Variants in DNM1 observed in about 807,000 individuals in gnomAD.
DNM1 encodes dynamin-1.
Under a neutral mutation model 104.6 loss-of-function variants are expected in DNM1, and 29 were observed. The ratio of observed to expected loss-of-function variants is 0.28; its 90% CI spans 0.21 to 0.38. DNM1 has a LOEUF of 0.38. Ranked by LOEUF, DNM1 falls within the 10% of genes least tolerant of loss-of-function variation. The probability of loss-of-function intolerance (pLI) is 1.00; values close to 1 mark genes in which losing one functional copy is unlikely to be tolerated. For missense variants in DNM1, 640 were observed against 1,189.4 expected, an observed-to-expected ratio of 0.54 and a Z score of 6.79; for synonymous variants, 445 against 475.8, an observed-to-expected ratio of 0.94 and a Z score of 0.84.
rs1834954010 is a variant in DNM1, at chr9:128,220,922, TTTC to T, written c.849+584_849+586del. Among the ~76,000 whole-genome samples the T allele has an allele frequency of 6.9e-6, 1 of 145,678 alleles. No homozygotes were observed. Among genetic ancestry groups the T allele is most frequent in the South Asian group, 2.2e-4 (1 of 4,620 alleles). On this transcript the variant is annotated intron_variant, in intron 6 of 21. Transcript: ENST00000372923. This position sits in a 1 kb window ranked among gnomAD's most constrained non-coding sequence, Gnocchi z 5.2. ...CTTTCTTTCTTTCTTTCTTTCTTTC[TTTC>T]TTTCTTTCTTTTCTTTTCTTTCTTT...
intron 15 of DNM1, chr9:128,244,961 T>C: frequency 3.4e-6 from 1 of 292,868 alleles, no homozygotes; most frequent in Non-Finnish European, 7.4e-6. Context: ...CCCTCTCTGC[T>C]CCCAACTCCC....
chr9:128,248,533 G>T lies in DNM1; in HGVS notation c.1906-50G>T. 3 of 1,593,976 alleles carry T rather than the reference G, an allele frequency of 1.9e-6. No homozygotes were observed. The highest frequency in any genetic ancestry group is 2.6e-6 in the Non-Finnish European group (3 of 1,165,736). On this transcript the variant is annotated intron_variant, in intron 18 of 21. Transcript: ENST00000372923. The surrounding 1 kb of genome is among the most constrained non-coding windows in gnomAD (Gnocchi z 5.6). The stretch of plus-strand genomic sequence containing the variant: ...GGCTGAGATCCTGGGGATGCCTGGA[G>T]CCTGGCTGCATGGCCTGGCCACCTG...
At position 128,219,238 on chromosome 9, in the gene DNM1, A is replaced by G. The variant is rs1834793492; in HGVS notation, c.575A>G (p.Glu192Gly). ...TCTGACGCCCTCAAGGTCGCCAAGGAGGTGGACCCCCAGGGTAGGTTCCCA... is the reference window on the plus strand; with the variant it reads ...TCTGACGCCCTCAAGGTCGCCAAGGGGGTGGACCCCCAGGGTAGGTTCCCA... ...ANSDALKVAK[E>G]VDPQGQRTIG... The change falls in exon 4 of 22, where the codon GAG (glutamate) becomes GGG (glycine). Residue 192 changes from glutamate to glycine, a missense_variant. Coordinates refer to ENST00000372923, the MANE Select transcript of DNM1 (RefSeq NM_004408.4). 1 of 1,614,014 alleles carries G rather than the reference A, an allele frequency of 6.2e-7. No homozygotes were observed. Among genetic ancestry groups the G allele is most frequent in the Non-Finnish European group, 8.5e-7 (1 of 1,180,050 alleles).
intron 1 of DNM1, among the ~76,000 whole-genome samples, chr9:128,211,690 C>T (rs1428871741): frequency 1.3e-5 from 2 of 151,994 alleles, no homozygotes; most frequent in African/African-American, 2.4e-5. Context: ...TTCACCCTGC[C>T]GTTGTCTTCC....
chr9:128,226,032 C>T, intron 10 of DNM1: 1 of 1,612,450 alleles, frequency 6.2e-7, no homozygotes, highest in Non-Finnish European at 8.5e-7. Context: ...TCCCCGGGTG[C>T]AGGACGGGCC....
At chr9:128,246,285 AG>A in intron 15 of DNM1, 108 bp from the exon 16 acceptor site, 1 of 778,958 alleles carries the variant, frequency 1.3e-6, no homozygotes, top group South Asian at 1.5e-5. Context: ...TCGCAGTGGG[AG>A]GGGGCTGATG....
Position 128,239,788 on chromosome 9 carries a change from G to A in DNM1, c.1545+9G>A. Reference sequence around the variant, plus strand: ...AGACTTCAGGGAACCAGGTGAGTGGGGCCCAGCACCCCAGCCCGAGGGATG... The same window carrying A: ...AGACTTCAGGGAACCAGGTGAGTGGAGCCCAGCACCCCAGCCCGAGGGATG... On this transcript the variant is annotated intron_variant, in intron 13 of 21. Transcript: ENST00000372923. 5 of 1,613,086 alleles carry A rather than the reference G, an allele frequency of 3.1e-6. No individual in the cohort carries two copies. The highest frequency in any genetic ancestry group is 4.2e-6 in the Non-Finnish European group (5 of 1,179,330).
intron 16 of DNM1, 73 bp downstream of exon 16, chr9:128,246,576 G>C (rs1052253922): frequency 1.1e-4 from 124 of 1,155,764 alleles, no homozygotes; most frequent in Non-Finnish European, 1.4e-4. Flanking sequence ...TGGGTACAGG[G>C]ATCCAGGGAG....
Position 128,203,584 on chromosome 9 carries a change from C to T in DNM1, c.114C>T (p.Gly38=), listed in dbSNP as rs1326366504. 3 of 1,551,448 alleles carry T rather than the reference C, an allele frequency of 1.9e-6. No homozygotes were observed. Among genetic ancestry groups the T allele is most frequent in the Non-Finnish European group, 2.6e-6 (3 of 1,152,874 alleles). Reference sequence around the variant, plus strand: ...ACCTGCCGCAGATCGCTGTGGTGGGCGGCCAGAGCGCCGGCAAGAGCTCGG... The same window carrying T: ...ACCTGCCGCAGATCGCTGTGGTGGGTGGCCAGAGCGCCGGCAAGAGCTCGG... The part of the protein sequence containing the change: ...DLDLPQIAVV[G]GQSAGKSSVL... The change falls in exon 1 of 22, where the codon GGC becomes GGT. Residue 38 remains glycine, a synonymous_variant. Coordinates refer to ENST00000372923, the MANE Select transcript of DNM1 (RefSeq NM_004408.4). This position sits in a 1 kb window ranked among gnomAD's most constrained non-coding sequence, Gnocchi z 5.3.
Position 128,245,832 on chromosome 9 carries a change from A to G in DNM1, c.1672-562A>G, listed in dbSNP as rs1836767240. Among the ~76,000 whole-genome samples the G allele has an allele frequency of 6.6e-6, 1 of 152,242 alleles. No individual in the cohort carries two copies. Among genetic ancestry groups the G allele is most frequent in the African/African-American group, 2.4e-5 (1 of 41,460 alleles). On this transcript the variant is annotated intron_variant, in intron 15 of 21. Transcript: ENST00000372923. This position sits in a 1 kb window ranked among gnomAD's most constrained non-coding sequence, Gnocchi z 5.2. ...TGTGCACACACACACAATAGCTGAT[A>G]GGATATGTACTTGGGCTTGCATGTG...
chr9:128,249,063 T>A (rs1829342639), intron 19 of DNM1, among the ~76,000 whole-genome samples: 1 of 151,470 alleles, frequency 6.6e-6, no homozygotes, highest in Non-Finnish European at 1.5e-5. Context: ...TGTGGTAGCG[T>A]GAGCCTGTAA....
At position 128,234,041 on chromosome 9, in the gene DNM1, A is replaced by G. The variant is rs756954152; in HGVS notation, c.1356A>G (p.Leu452=). 28 of 1,574,746 alleles carry G rather than the reference A, an allele frequency of 1.8e-5. No individual in the cohort carries two copies. The highest frequency in any genetic ancestry group is 2.4e-5 in the Non-Finnish European group (28 of 1,160,968). ...CCCAGCTCCAGCAGTACCCGCGGCT[A>G]CGGGAGGAGATGGAGCGCATCGTGA... ...CTKKLQQYPR[L]REEMERIVTT... The change falls in exon 11 of 22, where the codon CTA becomes CTG. Residue 452 remains leucine, a synonymous_variant. Coordinates refer to ENST00000372923, the MANE Select transcript of DNM1 (RefSeq NM_004408.4).
At chr9:128,212,224 A>G (rs138623790) in intron 1 of DNM1, among the ~76,000 whole-genome samples, 756 of 152,302 alleles carry the variant, frequency 5.0e-3, no homozygotes, top group South Asian at 0.014. Context: ...CCTGTGTCCT[A>G]TTTCACTGGT....
At chr9:128,216,955 C>T (rs532465987) in intron 1 of DNM1, among the ~76,000 whole-genome samples, 3 of 152,368 alleles carry the variant, frequency 2.0e-5, no homozygotes, top group Admixed American at 6.5e-5. Flanking sequence ...GCAATTCTGA[C>T]ATCCTGATTC....
chr9:128,227,749 T>C (rs1383496704), intron 10 of DNM1, among the ~76,000 whole-genome samples: 1 of 152,234 alleles, frequency 6.6e-6, no homozygotes, highest in Non-Finnish European at 1.5e-5. Flanking sequence ...ATATGTTCAA[T>C]GTCCTCTTGA....
At chr9:128,226,315 C>T in intron 10 of DNM1, 1 of 1,339,142 alleles carries the variant, frequency 7.5e-7, no homozygotes, top group East Asian at 2.5e-5. Flanking sequence ...AGTTTCTAAC[C>T]CTGGGTACTT....
chr9:128,253,023 C>T lies in DNM1; in HGVS notation c.2535-1631C>T, dbSNP rs1588465594. 2.3e-5 allele frequency: 32 copies of T among 1,421,204 alleles called. No individual in the cohort carries two copies. In the East Asian group the frequency reaches 3.9e-4, roughly 17 times the overall value. The allele number at this position is 1,421,204 out of a possible 1,614,324, so 88.0% of individuals were successfully genotyped here. On this transcript the variant is annotated intron_variant, in intron 21 of 21. Coordinates refer to ENST00000372923, the MANE Select transcript of DNM1 (RefSeq NM_004408.4). This position sits in a 1 kb window ranked among gnomAD's most constrained non-coding sequence, Gnocchi z 5.9. The stretch of plus-strand genomic sequence containing the variant: ...ATGTGTGTGCACGCCCGGGCGTGTG[C>T]GTGTGTGTGTCCCCCACCCCCAGGC...
rs537745845 is a variant in DNM1 at position 128,254,557 on chromosome 9, C to G, written c.2535-97C>G. ...CTCCCCGGCCCTCCCACCACTGCTG[C>G]GGCGCGGCCGGCCCCGGCCGTGTGC... On this transcript the variant is annotated intron_variant, in intron 21 of 21. Transcript: ENST00000372923. The surrounding 1 kb of genome is among the most constrained non-coding windows in gnomAD (Gnocchi z 6.1). The G allele has an allele frequency of 1.9e-6, 3 of 1,578,862 alleles. No individual in the cohort carries two copies. The highest frequency in any genetic ancestry group is 2.3e-5 in the East Asian group (1 of 43,806).
In DNM1 at chr9:128,239,711, C is replaced by G; in HGVS notation, c.1494-17C>G. The G allele has an allele frequency of 6.2e-7, 1 of 1,610,960 alleles. No individual in the cohort carries two copies. Among genetic ancestry groups the G allele is most frequent in the Admixed American group, 1.7e-5 (1 of 59,534 alleles). On this transcript the variant is annotated splice_polypyrimidine_tract_variant and intron_variant, in intron 12 of 21. Coordinates refer to ENST00000372923, the MANE Select transcript of DNM1 (RefSeq NM_004408.4). Reference sequence around the variant, plus strand: ...CCTCTTGAGAAGTTCTGAGACTCCTCCCCTCCCTCCCATTAGTGCTCAGCA... The same window carrying G: ...CCTCTTGAGAAGTTCTGAGACTCCTGCCCTCCCTCCCATTAGTGCTCAGCA...
Sources: gnomAD v4.1 joint callset for allele counts (sites outside exome capture counted in the v4.1 genomes callset) on GRCh38, gnomAD v4.1.1 for gene constraint, Gnocchi (gnomAD v3.1) non-coding constraint, MANE v1.5 for transcripts, NCBI Gene and HGNC (gene_info 2026-07-23, HGNC 2026-07-21) for gene names.